The following SGCD variants were observed in gnomAD, a reference collection of about 807,000 sequenced individuals.
SGCD encodes sarcoglycan delta.
Under a neutral mutation model 36.6 loss-of-function variants are expected in SGCD, and 18 were observed. That is an observed-to-expected ratio of 0.49 (90% confidence interval 0.34 to 0.73). The LOEUF is 0.73. Among genes scored for constraint, SGCD ranks in the 30% least tolerant of loss-of-function variants. The probability of loss-of-function intolerance (pLI) is 0.01; values close to 1 mark genes in which losing one functional copy is unlikely to be tolerated. For synonymous variants in SGCD, 133 were observed against 130.6 expected (o/e 1.02, Z -0.12); for missense variants, 387 against 346.7 (o/e 1.12, Z -0.92).
chr5:155,837,280 C>A, the SGCD span, among the ~76,000 whole-genome samples: 1 of 152,062 alleles, frequency 6.6e-6, no homozygotes, highest in Non-Finnish European at 1.5e-5. Flanking sequence ...GCCTCAGCCT[C>A]CTGAGTAGCT....
At chr5:156,741,146 A>G (rs1047200261) in intron 7 of SGCD, among the ~76,000 whole-genome samples, 5 of 152,142 alleles carry the variant, frequency 3.3e-5, no homozygotes, top group African/African-American at 1.2e-4. Context: ...CATTGTCTCC[A>G]TTCTCTAAGG....
intron 1 of SGCD, among the ~76,000 whole-genome samples, chr5:156,113,616 C>T (rs1299713898): frequency 2.0e-5 from 3 of 152,174 alleles, no homozygotes; most frequent in African/African-American, 7.2e-5. Flanking sequence ...TCTTACAAAG[C>T]TAAACCTACT....
At chr5:155,730,136 ACT>A in the SGCD span, among the ~76,000 whole-genome samples, 1 of 151,372 alleles carries the variant, frequency 6.6e-6, no homozygotes, top group African/African-American at 2.4e-5. Flanking sequence ...AAATTAGAAA[ACT>A]CTGCACCCTC....
the SGCD span, among the ~76,000 whole-genome samples, chr5:155,743,134 C>T: frequency 6.6e-6 from 1 of 152,150 alleles, no homozygotes; most frequent in African/African-American, 2.4e-5. Flanking sequence ...TGATTGTTTA[C>T]ATCATTGTTC....
chr5:156,291,937 A>G (rs369130783), intron 3 of SGCD, among the ~76,000 whole-genome samples: 1 of 152,052 alleles, frequency 6.6e-6, no homozygotes, highest in Non-Finnish European at 1.5e-5. Flanking sequence ...TGTACAATAG[A>G]TCTTTTGAAC....
At chr5:156,059,466 A>G (rs1046454169) in intron 1 of SGCD, among the ~76,000 whole-genome samples, 1 of 146,460 alleles carries the variant, frequency 6.8e-6, no homozygotes, top group African/African-American at 2.5e-5. Context: ...GAAATCCAAG[A>G]TTGCAACACA....
intron 6 of SGCD, among the ~76,000 whole-genome samples, chr5:156,615,844 A>T (rs1044903797): frequency 6.6e-6 from 1 of 152,222 alleles, no homozygotes; most frequent in Admixed American, 6.5e-5. Context: ...TGGGAGAGAG[A>T]GAGTTTAGAA....
intron 1 of SGCD, among the ~76,000 whole-genome samples, chr5:155,956,624 C>G (rs887551049): frequency 6.6e-6 from 1 of 152,100 alleles, no homozygotes; most frequent in South Asian, 2.1e-4. Flanking sequence ...AAAGTCAAGG[C>G]GTCAGCAGGG....
At position 155,880,252 on chromosome 5, in the gene SGCD, C is replaced by G. The variant is rs191876799; in HGVS notation, c.-282+9828C>G. Among the ~76,000 whole-genome samples the G allele has an allele frequency of 4.6e-5, 7 of 152,284 alleles. No individual in the cohort carries two copies. The East Asian group carries it at 1.4e-3, about 29-fold the overall frequency. ...GTCATGCATGTTTGCTTAGATAGTG[C>G]TTGGCACACTGCATGGCCCATGGGA... is the stretch of plus-strand genomic sequence containing the variant. On this transcript the variant is annotated intron_variant, in intron 1 of 9. Coordinates refer to the SGCD transcript ENST00000517913.
chr5:155,823,362 G>A, the SGCD span, among the ~76,000 whole-genome samples: 4 of 149,908 alleles, frequency 2.7e-5, no homozygotes, highest in African/African-American at 9.8e-5. Context: ...TCTACCTTTA[G>A]TTCTATTCAG....
chr5:156,169,753 T>C (rs926833531), intron 3 of SGCD, among the ~76,000 whole-genome samples: 37 of 151,986 alleles, frequency 2.4e-4, no homozygotes, highest in African/African-American at 8.9e-4. Context: ...AATAGCATAA[T>C]GGTGTGTGCA....
At chr5:156,724,484 G>A (rs1755671785) in intron 7 of SGCD, among the ~76,000 whole-genome samples, 1 of 152,066 alleles carries the variant, frequency 6.6e-6, no homozygotes, top group Non-Finnish European at 1.5e-5. Context: ...GCGGGCACCT[G>A]CAGTCCCAGC....
rs1757488052 is a variant in SGCD at position 156,760,868 on chromosome 5, T to C, written c.*1478T>C. 1 of 152,588 alleles carries C rather than the reference T, an allele frequency of 6.6e-6. No homozygotes were observed. Among genetic ancestry groups the C allele is most frequent in the Non-Finnish European group, 1.5e-5 (1 of 68,050 alleles). The allele number at this position is 152,588 out of a possible 1,614,324, so 9.5% of individuals were successfully genotyped here. Reference sequence around the variant, plus strand: ...GTTACCTATAGTTTACTTTGGGTGATTGGAGGGGAATGACTTAGTTATGAC... The same window carrying C: ...GTTACCTATAGTTTACTTTGGGTGACTGGAGGGGAATGACTTAGTTATGAC... On this transcript the variant is annotated 3_prime_UTR_variant, in exon 9 of 9. Transcript: ENST00000337851.
intron 7 of SGCD, among the ~76,000 whole-genome samples, chr5:156,724,101 G>T (rs1755648435): frequency 6.6e-6 from 1 of 152,174 alleles, no homozygotes; most frequent in South Asian, 2.1e-4. Flanking sequence ...AAATTGTGAT[G>T]ATTTGAATCT....
intron 2 of SGCD, among the ~76,000 whole-genome samples, chr5:156,120,078 A>G (rs994533736): frequency 4.6e-5 from 7 of 152,148 alleles, no homozygotes; most frequent in Non-Finnish European, 7.3e-5. Context: ...ATATAATAGC[A>G]TTAATCCCTT....
chr5:156,081,476 T>C (rs1234324725), intron 1 of SGCD, among the ~76,000 whole-genome samples: 1 of 152,174 alleles, frequency 6.6e-6, no homozygotes, highest in South Asian at 2.1e-4. Flanking sequence ...CACTGCAGCA[T>C]TGATCTCCCT....
At chr5:156,753,106 C>T (rs1757209424) in intron 7 of SGCD, among the ~76,000 whole-genome samples, 1 of 152,138 alleles carries the variant, frequency 6.6e-6, no homozygotes, top group South Asian at 2.1e-4. Context: ...GTGTGGGCAC[C>T]CCTCTAGACT....
chr5:156,257,913 C>T (rs1016965557), intron 3 of SGCD, among the ~76,000 whole-genome samples: 1 of 151,958 alleles, frequency 6.6e-6, no homozygotes. Flanking sequence ...ATCAGTCATA[C>T]GTTTTTAATT....
At chr5:156,641,325 C>G (rs1028193733) in intron 6 of SGCD, among the ~76,000 whole-genome samples, 7 of 152,142 alleles carry the variant, frequency 4.6e-5, no homozygotes, top group Non-Finnish European at 7.3e-5. Context: ...CCTGGACTTA[C>G]AGAGACAAAA....
Sources: gnomAD v4.1 joint callset for allele counts (sites outside exome capture counted in the v4.1 genomes callset) on GRCh38, gnomAD v4.1.1 for gene constraint, MANE v1.5 for transcripts, NCBI Gene and HGNC (gene_info 2026-07-23, HGNC 2026-07-21) for gene names.